The following SCAPER variants were observed in gnomAD, a reference collection of about 807,000 sequenced individuals.
The protein encoded by SCAPER is S phase cyclin A-associated protein in the endoplasmic reticulum.
Under a neutral mutation model 182.2 loss-of-function variants are expected in SCAPER, and 98 were observed. The observed-to-expected ratio is 0.54, with a 90% CI of 0.46 to 0.64. SCAPER has a LOEUF of 0.64. SCAPER is among the 30% of genes least tolerant of loss of function. The pLI is 0.00. For missense variants in SCAPER, 1,432 were observed against 1,690.0 expected (o/e 0.85, Z 2.68); for synonymous variants, 605 against 564.6 (o/e 1.07, Z -1.01).
chr15:76,873,401 C>G (rs1225255218), intron 2 of SCAPER, among the ~76,000 whole-genome samples: 1 of 143,822 alleles, frequency 7.0e-6, no homozygotes, highest in Non-Finnish European at 1.5e-5. Context: ...TCTAGGGTGC[C>G]CACTAAAAAA....
At chr15:76,605,269 T>A (rs541855106) in intron 22 of SCAPER, among the ~76,000 whole-genome samples, 1 of 152,306 alleles carries the variant, frequency 6.6e-6, no homozygotes, top group African/African-American at 2.4e-5. Context: ...TTTCTGCATC[T>A]ATTGAGATAA....
intron 20 of SCAPER, among the ~76,000 whole-genome samples, chr15:76,672,380 A>C (rs951904606): frequency 2.0e-5 from 3 of 152,230 alleles, no homozygotes; most frequent in African/African-American, 7.2e-5. Context: ...TAGCAACCTT[A>C]CAAACAACAA....
At chr15:76,782,579 T>C (rs2064238689) in intron 8 of SCAPER, among the ~76,000 whole-genome samples, 1 of 152,242 alleles carries the variant, frequency 6.6e-6, no homozygotes, top group Non-Finnish European at 1.5e-5. Flanking sequence ...AGAATATACA[T>C]TCTTCTCAGC....
intron 9 of SCAPER, among the ~76,000 whole-genome samples, chr15:76,773,000 T>G (rs2063553909): frequency 6.6e-6 from 1 of 151,886 alleles, no homozygotes; most frequent in Non-Finnish European, 1.5e-5. Flanking sequence ...GAACTTAAAG[T>G]GTCCCAAAGT....
chr15:76,522,631 A>G (rs1005472498), intron 23 of SCAPER, among the ~76,000 whole-genome samples: 4 of 152,118 alleles, frequency 2.6e-5, no homozygotes, highest in African/African-American at 9.6e-5. Flanking sequence ...TTTCAACCAT[A>G]AAGTGTAAAT....
chr15:76,868,020 A>G (rs1222616170), intron 2 of SCAPER, among the ~76,000 whole-genome samples: 1 of 152,160 alleles, frequency 6.6e-6, no homozygotes, highest in African/African-American at 2.4e-5. Flanking sequence ...ACCTCTCTAA[A>G]GAATGATAGA....
intron 29 of SCAPER, among the ~76,000 whole-genome samples, chr15:76,367,619 C>A (rs2041897067): frequency 6.6e-6 from 1 of 152,104 alleles, no homozygotes; most frequent in Non-Finnish European, 1.5e-5. Context: ...GCCACTCAGG[C>A]AAGCCAGGAG....
chr15:76,750,404 G>A (rs1157926498), intron 15 of SCAPER, among the ~76,000 whole-genome samples: 3 of 151,852 alleles, frequency 2.0e-5, no homozygotes, highest in Admixed American at 1.3e-4. Context: ...AACAATTGAA[G>A]AGGAGGGAAT....
chr15:76,498,339 T>C (rs2040798000), intron 24 of SCAPER: 2 of 152,194 alleles, frequency 1.3e-5, no homozygotes, highest in African/African-American at 4.8e-5. Context: ...CTAGATTATT[T>C]ACCTGCTTCT....
intron 22 of SCAPER, among the ~76,000 whole-genome samples, chr15:76,580,681 T>C (rs1024386012): frequency 6.6e-6 from 1 of 152,124 alleles, no homozygotes; most frequent in Non-Finnish European, 1.5e-5. Flanking sequence ...AGAGGAAAGT[T>C]TGTACCTATA....
intron 20 of SCAPER, among the ~76,000 whole-genome samples, chr15:76,700,191 G>C (rs1270328828): frequency 6.6e-6 from 1 of 152,216 alleles, no homozygotes; most frequent in African/African-American, 2.4e-5. Context: ...AGACAGCCCT[G>C]CTGTGTGCAG....
chr15:76,476,426 CT>C (rs1320464073), intron 24 of SCAPER, among the ~76,000 whole-genome samples: 1 of 151,214 alleles, frequency 6.6e-6, no homozygotes, highest in Non-Finnish European at 1.5e-5. Flanking sequence ...CCTTTCTTTT[CT>C]TTCTTTCTTT....
chr15:76,564,413 A>T (rs1314911065), intron 23 of SCAPER, among the ~76,000 whole-genome samples: 1 of 152,138 alleles, frequency 6.6e-6, no homozygotes, highest in African/African-American at 2.4e-5. Context: ...CCCATTCCAT[A>T]TTGCCACAAA....
At chr15:76,507,178 A>G (rs2041657885) in intron 23 of SCAPER, among the ~76,000 whole-genome samples, 1 of 152,150 alleles carries the variant, frequency 6.6e-6, no homozygotes, top group Non-Finnish European at 1.5e-5. Context: ...CCGTTAGAGT[A>G]GGCTCTGGTC....
chr15:76,726,155 AAAAAAC>A (rs2060584151), intron 17 of SCAPER, among the ~76,000 whole-genome samples: 3 of 97,308 alleles, frequency 3.1e-5, no homozygotes, highest in African/African-American at 4.1e-5. Context: ...ATATATATAT[AAAAAAC>A]TCTATAACCC....
At chr15:76,676,510 C>T (rs1163908535) in intron 20 of SCAPER, among the ~76,000 whole-genome samples, 5 of 152,054 alleles carry the variant, frequency 3.3e-5, no homozygotes, top group Non-Finnish European at 7.4e-5. Flanking sequence ...AAAAAAGGTA[C>T]TTTAAATAAT....
At chr15:76,400,816 T>C (rs576218981) in intron 27 of SCAPER, among the ~76,000 whole-genome samples, 1 of 152,256 alleles carries the variant, frequency 6.6e-6, no homozygotes, top group South Asian at 2.1e-4. Flanking sequence ...GATTAAGAAT[T>C]CTTAAAAACC....
At chr15:76,579,229 G>A (rs560579245) in intron 22 of SCAPER, among the ~76,000 whole-genome samples, 3 of 114,014 alleles carry the variant, frequency 2.6e-5, no homozygotes, top group East Asian at 6.0e-4. Context: ...TGGTGCCACT[G>A]CACTCCAGCC....
chr15:76,612,237 T>G (rs993525887), intron 22 of SCAPER, among the ~76,000 whole-genome samples: 4 of 152,098 alleles, frequency 2.6e-5, no homozygotes, highest in African/African-American at 7.2e-5. Context: ...TGCTGCTGCT[T>G]CTTTTTTGCT....
Sources: allele counts gnomAD v4.1 joint callset (sites outside exome capture counted in the v4.1 genomes callset), GRCh38; gene constraint gnomAD v4.1.1; transcripts MANE v1.5; gene names NCBI Gene and HGNC (gene_info 2026-07-23, HGNC 2026-07-21).